The following TMCC1 variants were observed in gnomAD, a reference collection of about 807,000 sequenced individuals.
TMCC1 encodes the protein transmembrane and coiled-coil domain family 1.
A neutral mutation model predicts 52.4 loss-of-function variants in TMCC1; 15 were observed. The ratio of observed to expected loss-of-function variants is 0.29; its 90% CI spans 0.19 to 0.44. The LOEUF (loss-of-function observed/expected upper bound fraction) is 0.44, where lower values mean the gene tolerates loss of function less well. Among genes scored for constraint, TMCC1 ranks in the 20% least tolerant of loss-of-function variants. The pLI is 1.00. For synonymous variants in TMCC1, 279 were observed against 301.9 expected (o/e 0.92, Z 0.79); for missense variants, 503 against 806.0 (o/e 0.62, Z 4.55).
In TMCC1 at chr3:129,721,075, T is replaced by C. The variant is rs372684565; in HGVS notation, c.577-49811A>G. Among the ~76,000 whole-genome samples the C allele has an allele frequency of 4.6e-5, 7 of 152,274 alleles. No homozygotes were observed. In the East Asian group the frequency reaches 1.4e-3, roughly 29 times the overall value. ...TTAAATCTCTCACACTCCCAATTCCTGCCACTCTTCCCTCTCTTAATTATT... is the reference window on the plus strand; with the variant it reads ...TTAAATCTCTCACACTCCCAATTCCCGCCACTCTTCCCTCTCTTAATTATT... On this transcript the variant is annotated intron_variant, in intron 4 of 6. Coordinates refer to ENST00000393238, the MANE Select transcript of TMCC1 (RefSeq NM_001017395.5).
chr3:129,853,336 A>G (rs2059999584), intron 2 of TMCC1, among the ~76,000 whole-genome samples: 2 of 152,214 alleles, frequency 1.3e-5, no homozygotes, highest in Admixed American at 1.3e-4. Context: ...TATCTTAAGA[A>G]TAAAATGGCT....
intron 4 of TMCC1, among the ~76,000 whole-genome samples, chr3:129,704,579 C>G (rs545497632): frequency 4.6e-5 from 7 of 152,078 alleles, no homozygotes; most frequent in Non-Finnish European, 1.0e-4. Context: ...CCACGACGCC[C>G]GGCTAATTTT....
chr3:129,701,873 G>A (rs988533059), intron 4 of TMCC1, among the ~76,000 whole-genome samples: 1 of 151,926 alleles, frequency 6.6e-6, no homozygotes, highest in Non-Finnish European at 1.5e-5. Flanking sequence ...AGATGGGCCA[G>A]GTAATTTCCA....
intron 4 of TMCC1, among the ~76,000 whole-genome samples, chr3:129,763,154 C>T (rs182263888): frequency 0.019 from 2,839 of 149,288 alleles, 192 homozygotes; most frequent in East Asian, 0.17. Context: ...GCCGAGATCG[C>T]GCCACTGCAC....
chr3:129,804,097 G>C (rs773641164), intron 4 of TMCC1, among the ~76,000 whole-genome samples: 2 of 151,976 alleles, frequency 1.3e-5, no homozygotes, highest in Admixed American at 6.6e-5. Context: ...TGAAAAATGA[G>C]AACACTGGTA....
At chr3:129,822,706 T>C (rs746381395) in intron 4 of TMCC1, among the ~76,000 whole-genome samples, 7 of 152,206 alleles carry the variant, frequency 4.6e-5, no homozygotes, top group Non-Finnish European at 1.0e-4. Flanking sequence ...CCCAGGGATC[T>C]GGTCCTGGTA....
chr3:129,835,413 G>T (rs2107851057), intron 2 of TMCC1, among the ~76,000 whole-genome samples: 1 of 151,966 alleles, frequency 6.6e-6, no homozygotes, highest in South Asian at 2.1e-4. Context: ...AGCTGAACCA[G>T]CCCCACCTAG....
intron 2 of TMCC1, among the ~76,000 whole-genome samples, chr3:129,850,472 G>C (rs1157871746): frequency 6.6e-6 from 1 of 152,178 alleles, no homozygotes; most frequent in Non-Finnish European, 1.5e-5. Flanking sequence ...GCTGAGATCA[G>C]GCAAAGGCTT....
At chr3:129,752,929 C>A (rs970607468) in intron 4 of TMCC1, among the ~76,000 whole-genome samples, 2 of 152,110 alleles carry the variant, frequency 1.3e-5, no homozygotes, top group Admixed American at 6.6e-5. Context: ...GCAGGCACAT[C>A]TTCACATGGC....
chr3:129,794,321 C>T (rs935324316), intron 4 of TMCC1: 2 of 456,232 alleles, frequency 4.4e-6, no homozygotes, highest in Non-Finnish European at 8.8e-6. Flanking sequence ...ACTACCAACC[C>T]ACCTTGGATA....
intron 4 of TMCC1, among the ~76,000 whole-genome samples, chr3:129,706,747 G>A (rs1367477403): frequency 6.6e-6 from 1 of 152,098 alleles, no homozygotes; most frequent in Admixed American, 6.6e-5. Flanking sequence ...ATAAAATAAG[G>A]CTTCCTAAAG....
At chr3:129,840,902 TG>T (rs1335727448) in intron 2 of TMCC1, among the ~76,000 whole-genome samples, 4 of 152,164 alleles carry the variant, frequency 2.6e-5, no homozygotes, top group African/African-American at 9.7e-5. Flanking sequence ...GTACCAGGAA[TG>T]GGGTACTACT....
rs535001447 is a variant in TMCC1, at chr3:129,793,759, T to C, written c.576+34044A>G. On this transcript the variant is annotated intron_variant, in intron 4 of 6. Coordinates refer to ENST00000393238, the MANE Select transcript of TMCC1 (RefSeq NM_001017395.5). ...CCCCAAAAGCTGCACACATGGAACCTGCTTTTCATCAGAACTCTGTAAAAA... is the reference window on the plus strand; with the variant it reads ...CCCCAAAAGCTGCACACATGGAACCCGCTTTTCATCAGAACTCTGTAAAAA... 3.3e-5 allele frequency among the ~76,000 whole-genome samples: 5 copies of C among 152,350 alleles called. No homozygotes were observed. In the East Asian group the frequency reaches 7.7e-4, roughly 24 times the overall value.
intron 5 of TMCC1, among the ~76,000 whole-genome samples, chr3:129,656,983 G>T (rs977428812): frequency 2.6e-5 from 4 of 152,184 alleles, no homozygotes; most frequent in Non-Finnish European, 4.4e-5. Flanking sequence ...CCACTCTTCT[G>T]TGGTGTTTTC....
At chr3:129,695,675 C>T (rs2047365996) in intron 4 of TMCC1, among the ~76,000 whole-genome samples, 1 of 152,144 alleles carries the variant, frequency 6.6e-6, no homozygotes, top group Admixed American at 6.5e-5. Flanking sequence ...GTCCCTCCAA[C>T]AACACATGGG....
chr3:129,758,719 T>C (rs2053234871), intron 4 of TMCC1, among the ~76,000 whole-genome samples: 2 of 152,246 alleles, frequency 1.3e-5, no homozygotes, highest in African/African-American at 4.8e-5. Context: ...TAACCGTTTC[T>C]AAGTATATAG....
At chr3:129,887,445 G>A (rs1473713050) in intron 1 of TMCC1, among the ~76,000 whole-genome samples, 3 of 151,454 alleles carry the variant, frequency 2.0e-5, no homozygotes, top group Non-Finnish European at 4.4e-5. Flanking sequence ...AGGAGGCTGA[G>A]GCAGAAGAAT....
rs371902000 is a variant in TMCC1 at position 129,823,698 on chromosome 3, C to T, written c.576+4105G>A. 4.7e-4 allele frequency among the ~76,000 whole-genome samples: 71 copies of T among 152,276 alleles called. No individual in the cohort carries two copies. The Middle Eastern group carries it at 0.01, about 22-fold the overall frequency. On this transcript the variant is annotated intron_variant, in intron 4 of 6. Coordinates refer to ENST00000393238, the MANE Select transcript of TMCC1 (RefSeq NM_001017395.5). Reference sequence around the variant, plus strand: ...ACCTTACACAAAACACAATCTTGGCCTATCCCTCCGTCTATCTATCTATGA... The same window carrying T: ...ACCTTACACAAAACACAATCTTGGCTTATCCCTCCGTCTATCTATCTATGA...
chr3:129,793,234 C>G (rs2056596318), intron 4 of TMCC1, among the ~76,000 whole-genome samples: 1 of 152,008 alleles, frequency 6.6e-6, no homozygotes, highest in Non-Finnish European at 1.5e-5. Flanking sequence ...TATTTTAATA[C>G]TCCTAAAAAT....
Sources: allele counts gnomAD v4.1 joint callset (sites outside exome capture counted in the v4.1 genomes callset), GRCh38; gene constraint gnomAD v4.1.1; transcripts MANE v1.5; gene names NCBI Gene and HGNC (gene_info 2026-07-23, HGNC 2026-07-21).